PCDH9: variants seen among roughly 807,000 people sequenced by gnomAD.
PCDH9 encodes the protein protocadherin 9, also known as protocadherin-9.
PCDH9 carries 24 observed loss-of-function variants against 70.6 expected under a neutral mutation model. That is an observed-to-expected ratio of 0.34 (90% CI 0.25 to 0.48). The LOEUF is 0.48. Among genes scored for constraint, PCDH9 ranks in the 20% least tolerant of loss-of-function variants. The pLI, the probability that PCDH9 is intolerant of heterozygous loss-of-function variation, is 0.99. For missense variants in PCDH9, 1,281 were observed against 1,503.6 expected, an observed-to-expected ratio of 0.85 and a Z score of 2.45; for synonymous variants, 562 against 558.5, an observed-to-expected ratio of 1.01 and a Z score of -0.09.
intron 3 of PCDH9, among the ~76,000 whole-genome samples, chr13:66,697,261 T>C (rs1161920770): frequency 6.6e-6 from 1 of 152,088 alleles, no homozygotes; most frequent in Non-Finnish European, 1.5e-5. Flanking sequence ...TCATAAATCA[T>C]TTTTTAAAAT....
At chr13:66,508,719 T>C (rs533655729) in intron 4 of PCDH9, among the ~76,000 whole-genome samples, 5 of 152,328 alleles carry the variant, frequency 3.3e-5, no homozygotes, top group African/African-American at 4.8e-5. Context: ...GTTTAATGGA[T>C]GATTCATTCC....
At chr13:67,148,978 C>T (rs2087591820) in intron 2 of PCDH9, among the ~76,000 whole-genome samples, 1 of 152,108 alleles carries the variant, frequency 6.6e-6, no homozygotes, top group Admixed American at 6.6e-5. Context: ...TACTGCAAGG[C>T]TGCAACTACA....
At chr13:66,714,893 A>G (rs1168556248) in intron 3 of PCDH9, among the ~76,000 whole-genome samples, 1 of 152,090 alleles carries the variant, frequency 6.6e-6, no homozygotes. Context: ...TACTACCTCT[A>G]CCCAACCTCA....
chr13:66,695,573 A>G (rs1358417807), intron 3 of PCDH9, among the ~76,000 whole-genome samples: 3 of 152,210 alleles, frequency 2.0e-5, no homozygotes, highest in Admixed American at 2.0e-4. Context: ...ATTACATAGC[A>G]AGAGAGGTTT....
intron 2 of PCDH9, chr13:67,217,510 T>A (rs1361101200): frequency 6.6e-6 from 1 of 152,118 alleles, no homozygotes; most frequent in African/African-American, 2.4e-5. Flanking sequence ...AGACATTAAG[T>A]ATTAAAGAAC....
intron 4 of PCDH9, among the ~76,000 whole-genome samples, chr13:66,567,695 T>G (rs1035474198): frequency 9.2e-5 from 14 of 152,318 alleles, no homozygotes; most frequent in Middle Eastern, 6.8e-3. Context: ...AACAGAAAGT[T>G]TTCTTTCAAA....
intron 3 of PCDH9, among the ~76,000 whole-genome samples, chr13:66,757,637 C>A (rs1184491344): frequency 6.6e-6 from 1 of 151,972 alleles, no homozygotes. Flanking sequence ...TAGAGCCAAA[C>A]ATATATAAAA....
intron 2 of PCDH9, among the ~76,000 whole-genome samples, chr13:67,040,821 C>T (rs1023866375): frequency 5.3e-5 from 8 of 151,414 alleles, no homozygotes; most frequent in African/African-American, 1.7e-4. Context: ...TAGTTTATAA[C>T]AATACATCAA....
At chr13:66,852,827 C>G (rs1440549094) in intron 3 of PCDH9, among the ~76,000 whole-genome samples, 1 of 152,146 alleles carries the variant, frequency 6.6e-6, no homozygotes, top group Admixed American at 6.6e-5. Context: ...GTTACAAATA[C>G]AGATTCCTGA....
chr13:66,611,527 C>T (rs2077293776), intron 4 of PCDH9, among the ~76,000 whole-genome samples: 1 of 152,108 alleles, frequency 6.6e-6, no homozygotes, highest in African/African-American at 2.4e-5. Flanking sequence ...AGCTGTTTTT[C>T]AGCTAAATCT....
Position 66,537,205 on chromosome 13 carries a change from G to A in PCDH9, c.3340+94005C>T, listed in dbSNP as rs1388598895. ...TAGTTGCATTGTACGCACTGATCAT[G>A]AGCACCCCTGAGTCTTCAGGGCTCA... On this transcript the variant is annotated intron_variant, in intron 4 of 4. Coordinates refer to ENST00000377865, the MANE Select transcript of PCDH9 (RefSeq NM_203487.3). 3.3e-5 allele frequency among the ~76,000 whole-genome samples: 5 copies of A among 152,016 alleles called. No individual in the cohort carries two copies. The East Asian group carries it at 7.7e-4, about 23-fold the overall frequency.
At chr13:66,528,807 ACTT>A (rs1252321029) in intron 4 of PCDH9, among the ~76,000 whole-genome samples, 6 of 152,090 alleles carry the variant, frequency 3.9e-5, no homozygotes, top group Non-Finnish European at 7.4e-5. Flanking sequence ...AGAATTATAA[ACTT>A]CTTTTTTCTC....
At chr13:66,699,200 C>A (rs925555218) in intron 3 of PCDH9, among the ~76,000 whole-genome samples, 4 of 152,018 alleles carry the variant, frequency 2.6e-5, no homozygotes, top group African/African-American at 9.7e-5. Context: ...AGGTGTGAGC[C>A]ACTGCGCCTG....
At chr13:66,491,775 C>A (rs530426215) in intron 4 of PCDH9, among the ~76,000 whole-genome samples, 2 of 152,198 alleles carry the variant, frequency 1.3e-5, no homozygotes, top group African/African-American at 4.8e-5. Flanking sequence ...TTTTATTAAA[C>A]AATCATTGAT....
chr13:66,901,820 C>T (rs570035119), intron 3 of PCDH9, among the ~76,000 whole-genome samples: 1 of 151,790 alleles, frequency 6.6e-6, no homozygotes, highest in East Asian at 1.9e-4. Flanking sequence ...AATAAATCAT[C>T]TCACCACCTT....
intron 3 of PCDH9, among the ~76,000 whole-genome samples, chr13:66,876,526 G>A (rs545223905): frequency 1.3e-5 from 2 of 152,254 alleles, no homozygotes; most frequent in African/African-American, 4.8e-5. Flanking sequence ...TTAGTAGAAT[G>A]AATTTGAGGA....
chr13:67,170,415 C>T (rs2088247819), intron 2 of PCDH9, among the ~76,000 whole-genome samples: 1 of 152,088 alleles, frequency 6.6e-6, no homozygotes, highest in South Asian at 2.1e-4. Context: ...ATTGAGTAAA[C>T]TCTATGGTAA....
At chr13:67,156,783 G>A (rs1375404273) in intron 2 of PCDH9, among the ~76,000 whole-genome samples, 3 of 152,138 alleles carry the variant, frequency 2.0e-5, no homozygotes, top group African/African-American at 7.2e-5. Flanking sequence ...CACGCCCACT[G>A]GGGCTTCAGC....
At chr13:67,115,197 A>T (rs2086735091) in intron 2 of PCDH9, among the ~76,000 whole-genome samples, 1 of 152,212 alleles carries the variant, frequency 6.6e-6, no homozygotes, top group Admixed American at 6.5e-5. Context: ...TTGGAATAGG[A>T]TGTATCAGAT....
Sources: gnomAD v4.1 joint callset for allele counts (sites outside exome capture counted in the v4.1 genomes callset) on GRCh38, gnomAD v4.1.1 for gene constraint, MANE v1.5 for transcripts, NCBI Gene and HGNC (gene_info 2026-07-23, HGNC 2026-07-21) for gene names.